ULK2: variants seen among roughly 807,000 people sequenced by gnomAD.
ULK2 encodes the protein unc-51 like autophagy activating kinase 2.
In ULK2, 76 loss-of-function variants were observed where a neutral mutation model predicts 127.5. The observed-to-expected ratio is 0.60, with a 90% CI of 0.50 to 0.72. ULK2 has a LOEUF of 0.72. Ranked by LOEUF, ULK2 falls within the 30% of genes least tolerant of loss-of-function variation. ULK2 has a pLI of 0.00. For missense variants in ULK2, 1,144 were observed against 1,295.9 expected, an observed-to-expected ratio of 0.88 and a Z score of 1.80; for synonymous variants, 452 against 461.9, an observed-to-expected ratio of 0.98 and a Z score of 0.28.
Position 19,852,368 on chromosome 17 carries a change from A to T in ULK2, c.226-2594T>A, listed in dbSNP as rs370759973. On this transcript the variant is annotated intron_variant, in intron 3 of 26. Coordinates refer to ENST00000395544, the MANE Select transcript of ULK2 (RefSeq NM_014683.4). ...AACCCCATCTCTACTAAAAATACAA[A>T]AAGTTAGCTGGGCATGGTGGCCGGC... 1.2e-4 allele frequency among the ~76,000 whole-genome samples: 18 copies of T among 149,390 alleles called. No individual in the cohort carries two copies. In the East Asian group the frequency reaches 1.2e-3, roughly 10 times the overall value.
intron 8 of ULK2, among the ~76,000 whole-genome samples, chr17:19,842,283 C>T (rs1433253917): frequency 7.1e-6 from 1 of 140,936 alleles, no homozygotes; most frequent in Non-Finnish European, 1.5e-5. Context: ...CCGCAACCTT[C>T]GCCTCCCAGG....
At chr17:19,791,376 CCT>C (rs1439336676) in intron 20 of ULK2, among the ~76,000 whole-genome samples, 4 of 152,084 alleles carry the variant, frequency 2.6e-5, no homozygotes, top group Non-Finnish European at 4.4e-5. Flanking sequence ...ATGGCAAAAC[CCT>C]GTCTCTACTA....
intron 8 of ULK2, 66 bp from the exon 9 acceptor site, chr17:19,841,613 A>T: frequency 1.6e-6 from 2 of 1,272,612 alleles, no homozygotes; most frequent in Non-Finnish European, 2.2e-6. Context: ...CATATGATTG[A>T]CACTCATATG....
intron 22 of ULK2, among the ~76,000 whole-genome samples, chr17:19,782,919 T>TAAGC (rs1555550664): frequency 6.7e-6 from 1 of 149,092 alleles, no homozygotes; most frequent in Admixed American, 6.6e-5. Context: ...CTGTCTCAAA[T>TAAGC]AAACAAACAA....
In ULK2 at chr17:19,796,329, T is replaced by A. The variant is rs201172170; in HGVS notation, c.1810-47A>T. 699 of 1,500,470 alleles carry A rather than the reference T, an allele frequency of 4.7e-4. 1 individual carries two copies. Among genetic ancestry groups the A allele is most frequent in the Admixed American group, 1.1e-3 (55 of 47,966 alleles). 92.9% of individuals were successfully genotyped at this position (1,500,470 alleles called of 1,614,324 possible). ...TATATATGTAAACTAGTTAATACGA[T>A]GCATGAACTATTCAGTACTGGCAGG... On this transcript the variant is annotated intron_variant, in intron 18 of 26. Transcript: ENST00000395544.
intron 14 of ULK2, 149 bp downstream of exon 14, chr17:19,810,229 C>CAAA: frequency 1.1e-5 from 4 of 350,216 alleles, no homozygotes; most frequent in South Asian, 1.0e-4. Context: ...GACTCCATCT[C>CAAA]AAAAAAAAAA....
intron 3 of ULK2, among the ~76,000 whole-genome samples, chr17:19,853,329 G>A (rs1297356240): frequency 6.6e-6 from 1 of 151,298 alleles, no homozygotes; most frequent in South Asian, 2.1e-4. Flanking sequence ...CTAGAGACGG[G>A]GTTTTGCCAC....
At position 19,795,679 on chromosome 17, in the gene ULK2, T is replaced by C. The variant is rs373397900; in HGVS notation, c.2044A>G (p.Ile682Val). The change falls in exon 20 of 27, where the codon ATA (isoleucine) becomes GTA (valine). Residue 682 changes from isoleucine (I) to valine (V), a missense_variant. Ile to Val is a conservative substitution (Grantham distance 29). Transcript: ENST00000395544. ...TCTGTGCTGCCCTGATGTCGACATA[T>C]AGGAGTCTTTCCTTGTTGATCTGAT... ...KLSDQQGKTP[I>V]CRHQGSTDSL... 1.2e-4 allele frequency: 193 copies of C among 1,614,006 alleles called. No individual in the cohort carries two copies. Among genetic ancestry groups the C allele is most frequent in the Middle Eastern group, 3.3e-4 (2 of 6,082 alleles).
At chr17:19,843,291 A>AGAG in intron 7 of ULK2, 69 bp from the exon 8 acceptor site, 1 of 1,022,578 alleles carries the variant, frequency 9.8e-7, no homozygotes. Context: ...ATATTAATTA[A>AGAG]CTGGTAAAGG....
rs761126435 is a variant in ULK2, at chr17:19,781,095, C to T, written c.2649G>A (p.Glu883=). The change falls in exon 24 of 27, where the codon GAG becomes GAA. Residue 883 remains glutamate (E), a synonymous_variant. Coordinates refer to ENST00000395544, the MANE Select transcript of ULK2 (RefSeq NM_014683.4). ...CTGCTTTCATGTACAACACCAGCTG[C>T]TCCACCCGCCTGCACCCAAAAGACA... ...SQLSKDWGRV[E]QLVLYMKAAQ... is the part of the protein sequence containing the mutation. 8.1e-6 allele frequency: 13 copies of T among 1,606,336 alleles called. No homozygotes were observed. Among genetic ancestry groups the T allele is most frequent in the Non-Finnish European group, 1.1e-5 (13 of 1,173,852 alleles).
chr17:19,795,487 C>T lies in ULK2; in HGVS notation c.2101+135G>A, dbSNP rs535793461. ...AAGGAAGATGAGAGGATAGGGATGG[C>T]ATCCAGAACTATGAAATAATACATT... is the stretch of plus-strand genomic sequence containing the variant. On this transcript the variant is annotated intron_variant, in intron 20 of 26. Coordinates refer to ENST00000395544, the MANE Select transcript of ULK2 (RefSeq NM_014683.4). 144 of 728,996 alleles carry T rather than the reference C, an allele frequency of 2.0e-4. 1 individual carries two copies. The African/African-American group carries it at 2.4e-3, about 12-fold the overall frequency. The allele number at this position is 728,996 out of a possible 1,614,324, so 45.2% of individuals were successfully genotyped here.
At position 19,786,095 on chromosome 17, in the gene ULK2, A is replaced by G. The variant is rs764741205; in HGVS notation, c.2102-9T>C. The G allele has an allele frequency of 1.9e-6, 3 of 1,559,534 alleles. No homozygotes were observed. ...ACAGGCTCCTGCCGGAGCTACAACA[A>G]AAAGTTTATAGAAGGTCATATTACC... is the stretch of plus-strand genomic sequence containing the variant. On this transcript the variant is annotated splice_polypyrimidine_tract_variant and intron_variant, in intron 20 of 26. Coordinates refer to ENST00000395544, the MANE Select transcript of ULK2 (RefSeq NM_014683.4).
intron 2 of ULK2, among the ~76,000 whole-genome samples, chr17:19,865,183 T>C (rs1392231433): frequency 6.6e-6 from 1 of 152,234 alleles, no homozygotes; most frequent in Non-Finnish European, 1.5e-5. Context: ...AGTTTCTTCA[T>C]TGTAGAATTT....
intron 3 of ULK2, 25 bp from the exon 4 acceptor site, chr17:19,849,799 C>A: frequency 1.4e-6 from 2 of 1,427,064 alleles, no homozygotes; most frequent in Non-Finnish European, 1.9e-6. Context: ...TATTAAATAT[C>A]ATTTAGAGAA....
At chr17:19,794,861 G>A (rs981493980) in intron 20 of ULK2, among the ~76,000 whole-genome samples, 2 of 152,022 alleles carry the variant, frequency 1.3e-5, no homozygotes, top group Non-Finnish European at 2.9e-5. Flanking sequence ...GGTGGATCAC[G>A]AGGTCAGGAG....
At chr17:19,855,329 G>A (rs1471008963) in intron 3 of ULK2, among the ~76,000 whole-genome samples, 11 of 151,168 alleles carry the variant, frequency 7.3e-5, no homozygotes, top group East Asian at 5.9e-4. Flanking sequence ...GCGTGAACCC[G>A]GGAGGCAGAG....
chr17:19,814,434 A>ATATGTATATATATACG (rs1567696497), intron 13 of ULK2, among the ~76,000 whole-genome samples: 9 of 17,252 alleles, frequency 5.2e-4, no homozygotes, highest in African/African-American at 2.1e-3. Flanking sequence ...ATATATATAT[A>ATATGTATATATATACG]TATATTTTTT....
rs2086797471 is a variant in ULK2 at position 19,775,508 on chromosome 17, A to C, written c.*841T>G. On this transcript the variant is annotated 3_prime_UTR_variant, in exon 27 of 27. Transcript: ENST00000395544. ...CAATGTACATTCTGCATGCACAATA[A>C]AAAATGGAACCAAAAGCTAACAAAA... is the stretch of plus-strand genomic sequence containing the variant. 2 of 152,602 alleles carry C rather than the reference A, an allele frequency of 1.3e-5. No homozygotes were observed. Among genetic ancestry groups the C allele is most frequent in the Non-Finnish European group, 2.9e-5 (2 of 68,040 alleles). The allele number at this position is 152,602 out of a possible 1,614,324, so 9.5% of individuals were successfully genotyped here.
chr17:19,858,084 C>A (rs1421319252), intron 3 of ULK2, among the ~76,000 whole-genome samples: 1 of 152,094 alleles, frequency 6.6e-6, no homozygotes, highest in East Asian at 1.9e-4. Context: ...CTCTCCCTTA[C>A]AGCACTTGGC....
Sources: allele counts gnomAD v4.1 joint callset (sites outside exome capture counted in the v4.1 genomes callset), GRCh38; gene constraint gnomAD v4.1.1; transcripts MANE v1.5; gene names NCBI Gene and HGNC (gene_info 2026-07-23, HGNC 2026-07-21).